FREM2: variants seen among roughly 807,000 people sequenced by gnomAD.
FREM2 encodes FRAS1 related extracellular matrix 2, also known as FRAS1-related extracellular matrix protein 2.
FREM2 carries 119 observed loss-of-function variants against 219.9 expected under a neutral mutation model. That is an observed-to-expected ratio of 0.54 (90% CI 0.47 to 0.63). The LOEUF is 0.63. Among genes scored for constraint, FREM2 ranks in the 30% least tolerant of loss-of-function variants. The probability of loss-of-function intolerance (pLI) is 0.00; values close to 1 mark genes in which losing one functional copy is unlikely to be tolerated. For missense variants in FREM2, 4,030 were observed against 3,993.6 expected (o/e 1.01, Z -0.25); for synonymous variants, 1,562 against 1,522.8 (o/e 1.03, Z -0.60).
intron 6 of FREM2, among the ~76,000 whole-genome samples, chr13:38,828,137 G>A (rs927943680): frequency 1.3e-5 from 2 of 152,024 alleles, no homozygotes; most frequent in Non-Finnish European, 1.5e-5. Context: ...TTGGTAAAGT[G>A]GCACAATATT....
chr13:38,872,674 C>G lies in FREM2; in HGVS notation c.7984-68C>G. On this transcript the variant is annotated intron_variant, in intron 16 of 23. Coordinates refer to ENST00000280481, the MANE Select transcript of FREM2 (RefSeq NM_207361.6). ...TCAGTTAAGCGAAAAGAGAAAATGG[C>G]TTGTACAAAATTAGGCCCACTTAGT... 4 of 1,332,174 alleles carry G rather than the reference C, an allele frequency of 3.0e-6. No individual in the cohort carries two copies. In the East Asian group the frequency reaches 9.2e-5, roughly 31 times the overall value. 82.5% of individuals were successfully genotyped at this position (1,332,174 alleles called of 1,614,324 possible). A position where few individuals can be genotyped will look rare whatever the true frequency, so the allele number is the denominator to read the frequency against.
chr13:38,817,001 T>G (rs1347921330), intron 6 of FREM2, among the ~76,000 whole-genome samples: 2 of 152,014 alleles, frequency 1.3e-5, no homozygotes, highest in African/African-American at 4.8e-5. Flanking sequence ...AGTAATAAAT[T>G]TAGTCAAGGA....
At chr13:38,756,552 G>T (rs1182415975) in intron 2 of FREM2, among the ~76,000 whole-genome samples, 4 of 134,252 alleles carry the variant, frequency 3.0e-5, no homozygotes, top group Non-Finnish European at 6.2e-5. Flanking sequence ...TTTTGAGACG[G>T]AGTGTCACTC....
chr13:38,824,918 C>T (rs4400923), intron 6 of FREM2, among the ~76,000 whole-genome samples: 3 of 151,280 alleles, frequency 2.0e-5, no homozygotes, highest in Non-Finnish European at 4.4e-5. Context: ...TAAACTAAAT[C>T]TCTTCCAAAG....
At chr13:38,706,103 T>G (rs1188568914) in intron 2 of FREM2, among the ~76,000 whole-genome samples, 1 of 152,206 alleles carries the variant, frequency 6.6e-6, no homozygotes, top group Non-Finnish European at 1.5e-5. Context: ...ACCCACTGTA[T>G]CTCTGAAGCT....
chr13:38,750,560 C>T (rs1872704797), intron 2 of FREM2, among the ~76,000 whole-genome samples: 1 of 152,174 alleles, frequency 6.6e-6, no homozygotes, highest in African/African-American at 2.4e-5. Flanking sequence ...CATATATTGG[C>T]TATTGTGAAT....
chr13:38,819,014 A>T (rs981025517), intron 6 of FREM2, among the ~76,000 whole-genome samples: 1 of 152,176 alleles, frequency 6.6e-6, no homozygotes, highest in Non-Finnish European at 1.5e-5. Flanking sequence ...ATATCAAAAC[A>T]TCAAGTTGCA....
chr13:38,761,896 A>C (rs929892202), intron 2 of FREM2, among the ~76,000 whole-genome samples: 2 of 152,174 alleles, frequency 1.3e-5, no homozygotes, highest in Non-Finnish European at 2.9e-5. Flanking sequence ...AAGGGGAACA[A>C]TCAGGGTAGG....
chr13:38,804,428 T>C (rs920966360), intron 6 of FREM2, among the ~76,000 whole-genome samples: 1 of 151,670 alleles, frequency 6.6e-6, no homozygotes, highest in Non-Finnish European at 1.5e-5. Context: ...TTAAAAAATA[T>C]CCAATGTCAA....
intron 15 of FREM2, 128 bp downstream of exon 15, chr13:38,861,690 T>C: frequency 1.0e-6 from 1 of 962,474 alleles, no homozygotes; most frequent in Admixed American, 1.8e-5. Flanking sequence ...CTTCAAGTCC[T>C]TCCACTTCTT....
intron 6 of FREM2, among the ~76,000 whole-genome samples, chr13:38,794,186 A>T (rs1365812665): frequency 2.0e-5 from 3 of 152,148 alleles, no homozygotes; most frequent in African/African-American, 7.2e-5. Flanking sequence ...TATAATATGG[A>T]TGGATTTACA....
chr13:38,788,183 A>G (rs1874409231), intron 6 of FREM2, among the ~76,000 whole-genome samples: 1 of 152,244 alleles, frequency 6.6e-6, no homozygotes, highest in South Asian at 2.1e-4. Context: ...TTTGAGTGCT[A>G]TATTTTCAAG....
rs747296135 is a variant in FREM2, at chr13:38,764,260, T to A, written c.5264-44T>A. On this transcript the variant is annotated intron_variant, in intron 2 of 23. Coordinates refer to ENST00000280481, the MANE Select transcript of FREM2 (RefSeq NM_207361.6). ...TCTGTGGAATTTTGAAGATCACTCATTCAAGAAAGCACTAATTTATGGCTT... is the reference window on the plus strand; with the variant it reads ...TCTGTGGAATTTTGAAGATCACTCAATCAAGAAAGCACTAATTTATGGCTT... 18 of 1,426,358 alleles carry A rather than the reference T, an allele frequency of 1.3e-5. No homozygotes were observed. The Admixed American group carries it at 3.0e-4, about 24-fold the overall frequency. The allele number at this position is 1,426,358 out of a possible 1,614,324, so 88.4% of individuals were successfully genotyped here. A position where few individuals can be genotyped will look rare whatever the true frequency, so the allele number is the denominator to read the frequency against.
chr13:38,820,579 T>TA (rs1876003856), intron 6 of FREM2, among the ~76,000 whole-genome samples: 2 of 152,068 alleles, frequency 1.3e-5, no homozygotes, highest in South Asian at 4.1e-4. Context: ...AATTTTATAA[T>TA]AAAAACCAAT....
chr13:38,689,429 T>C lies in FREM2; in HGVS notation c.2085T>C (p.Pro695=), dbSNP rs1293891747. 1 of 1,613,918 alleles carries C rather than the reference T, an allele frequency of 6.2e-7. No individual in the cohort carries two copies. The highest frequency in any genetic ancestry group is 1.3e-5 in the African/African-American group (1 of 74,910). ...GLQRFVIRIH[P]VDRLPPELGS... The stretch of plus-strand genomic sequence containing the variant: ...AGCGGTTTGTGATTCGTATCCATCC[T>C]GTGGATCGCCTCCCTCCGGAGCTGG... Residue 695 remains proline (P), a synonymous_variant, in exon 1 of 24, where the codon CCT becomes CCC. Transcript: ENST00000280481.
chr13:38,866,446 C>T (rs960501349), intron 16 of FREM2, among the ~76,000 whole-genome samples: 2 of 151,614 alleles, frequency 1.3e-5, no homozygotes, highest in African/African-American at 2.4e-5. Context: ...TGCAGTGAGC[C>T]GAGATCACGC....
At chr13:38,838,120 G>C (rs1187756321) in intron 6 of FREM2, among the ~76,000 whole-genome samples, 2 of 152,060 alleles carry the variant, frequency 1.3e-5, no homozygotes, top group African/African-American at 4.8e-5. Context: ...TCCATATTGA[G>C]TGCTTCCTTC....
intron 6 of FREM2, among the ~76,000 whole-genome samples, chr13:38,805,500 A>G (rs901240158): frequency 6.6e-6 from 1 of 152,008 alleles, no homozygotes; most frequent in African/African-American, 2.4e-5. Context: ...CAGGGCATGC[A>G]GGTGAAACCA....
rs780250746 is a variant in FREM2, at chr13:38,691,532, T to G, written c.4188T>G (p.Phe1396Leu). The G allele has an allele frequency of 1.2e-5, 19 of 1,614,076 alleles. No homozygotes were observed. The highest frequency in any genetic ancestry group is 1.4e-5 in the Non-Finnish European group (17 of 1,180,046). ...GQEGIRDLIK[F>L]DVTDGINPLI... The stretch of plus-strand genomic sequence containing the variant: ...AGGGCATTCGGGACCTAATTAAATT[T>G]GATGTGACTGATGGAATAAATCCCC... The change falls in exon 1 of 24, where the codon TTT becomes TTG. Residue 1396 changes from phenylalanine to leucine, a missense_variant. This residue lies in a region of FREM2 where 3,102 missense variants were observed against 2,950.7 expected (regional missense o/e 1.05). Transcript: ENST00000280481.
Sources: allele counts gnomAD v4.1 joint callset (sites outside exome capture counted in the v4.1 genomes callset), GRCh38; gene constraint gnomAD v4.1.1; regional missense constraint gnomAD v4.1.1; transcripts MANE v1.5; gene names NCBI Gene and HGNC (gene_info 2026-07-23, HGNC 2026-07-21).